The following RHOU variants were observed in gnomAD, a reference collection of about 807,000 sequenced individuals.
RHOU encodes ras homolog family member U.
In RHOU, 8 loss-of-function variants were observed where a neutral mutation model predicts 12.6. The observed-to-expected ratio is 0.64, with a 90% CI of 0.37 to 1.15. RHOU has a LOEUF of 1.15. Among genes scored for constraint, RHOU ranks in the 50% most tolerant of loss-of-function variants. The pLI is 0.01. For synonymous variants in RHOU, 161 were observed against 147.4 expected, an observed-to-expected ratio of 1.09 and a Z score of -0.67; for missense variants, 258 against 347.0, an observed-to-expected ratio of 0.74 and a Z score of 2.04.
chr1:228,659,180 AC>A, the RHOU span, among the ~76,000 whole-genome samples: 1 of 152,150 alleles, frequency 6.6e-6, no homozygotes, highest in African/African-American at 2.4e-5. Context: ...GGAGTTCCAG[AC>A]TAGCCTGACC....
At chr1:228,727,949 G>A in the RHOU span, among the ~76,000 whole-genome samples, 2 of 152,120 alleles carry the variant, frequency 1.3e-5, no homozygotes, top group Admixed American at 6.5e-5. Context: ...TTTCTGTGAT[G>A]TGTGTTTGGG....
the RHOU span, among the ~76,000 whole-genome samples, chr1:228,696,676 T>C: frequency 6.6e-6 from 1 of 152,086 alleles, no homozygotes; most frequent in Non-Finnish European, 1.5e-5. Flanking sequence ...GCCTCCCTAG[T>C]AGCTGGGACT....
In RHOU at chr1:228,743,833, A is replaced by G. The variant is rs1375899644; in HGVS notation, c.*93A>G. ...CAACTCCTTTTACTGCGTAGAACCTATATCGAGAGTGTGTGTATATGTATT... is the reference window on the plus strand; with the variant it reads ...CAACTCCTTTTACTGCGTAGAACCTGTATCGAGAGTGTGTGTATATGTATT... On this transcript the variant is annotated 3_prime_UTR_variant, in exon 3 of 3. Coordinates refer to ENST00000366691, the MANE Select transcript of RHOU (RefSeq NM_021205.6). The surrounding 1 kb of genome is among the most constrained non-coding windows in gnomAD (Gnocchi z 5.1). 1.9e-6 allele frequency: 2 copies of G among 1,052,162 alleles called. No homozygotes were observed. Among genetic ancestry groups the G allele is most frequent in the Middle Eastern group, 2.1e-4 (1 of 4,746 alleles). The allele number at this position is 1,052,162 out of a possible 1,614,324, so 65.2% of individuals were successfully genotyped here.
chr1:228,723,629 A>G, the RHOU span, among the ~76,000 whole-genome samples: 1 of 152,242 alleles, frequency 6.6e-6, no homozygotes, highest in East Asian at 1.9e-4. Flanking sequence ...GTCAGGCTCT[A>G]AGAGCTAAGA....
the RHOU span, among the ~76,000 whole-genome samples, chr1:228,708,580 A>T: frequency 6.6e-6 from 1 of 152,044 alleles, no homozygotes; most frequent in Admixed American, 6.6e-5. Context: ...TAAAGGAGAA[A>T]TAAAATACTT....
the RHOU span, among the ~76,000 whole-genome samples, chr1:228,715,120 C>A: frequency 2.6e-5 from 4 of 151,504 alleles, no homozygotes; most frequent in Non-Finnish European, 5.9e-5. Flanking sequence ...ACACTAATTT[C>A]TTTTAGCTTC....
the RHOU span, among the ~76,000 whole-genome samples, chr1:228,703,527 G>GAAAA: frequency 6.8e-6 from 1 of 146,796 alleles, no homozygotes; most frequent in African/African-American, 2.5e-5. Flanking sequence ...CTCCATCTCT[G>GAAAA]AAAAAAAAAA....
intron 2 of RHOU, among the ~76,000 whole-genome samples, chr1:228,739,727 C>T (rs1328848385): frequency 2.0e-5 from 3 of 152,232 alleles, no homozygotes; most frequent in Non-Finnish European, 4.4e-5. Flanking sequence ...GTGCACCTAC[C>T]TGCCCCAGGA....
the RHOU span, among the ~76,000 whole-genome samples, chr1:228,685,083 T>A: frequency 6.6e-6 from 1 of 152,156 alleles, no homozygotes; most frequent in African/African-American, 2.4e-5. Flanking sequence ...TAGGGTAACT[T>A]CCTGACATTG....
the RHOU span, among the ~76,000 whole-genome samples, chr1:228,707,118 A>C: frequency 2.3e-5 from 2 of 88,350 alleles, no homozygotes; most frequent in Non-Finnish European, 3.7e-5. Context: ...ATATATATAT[A>C]TATATATACA....
At chr1:228,733,730 C>T (rs1009621829), upstream of RHOU, among the ~76,000 whole-genome samples, 3 of 152,176 alleles carry the variant, frequency 2.0e-5, no homozygotes, top group African/African-American at 7.2e-5. Context: ...GTTAAGGGCA[C>T]CAATGTGACT....
At chr1:228,690,452 A>G in the RHOU span, among the ~76,000 whole-genome samples, 11 of 151,322 alleles carry the variant, frequency 7.3e-5, no homozygotes, top group Non-Finnish European at 1.6e-4. Flanking sequence ...CAGCCTCCTG[A>G]GTAGCTGGGA....
chr1:228,721,272 A>G, the RHOU span, among the ~76,000 whole-genome samples: 7 of 152,328 alleles, frequency 4.6e-5, no homozygotes, highest in Admixed American at 2.6e-4. Context: ...ACCGCACTCC[A>G]GCCTGGGCAA....
At chr1:228,652,685 T>C in the RHOU span, 3 of 152,182 alleles carry the variant, frequency 2.0e-5, 1 homozygote, top group South Asian at 6.2e-4. Flanking sequence ...TAACTTCTAA[T>C]GAAGAAACTG....
the RHOU span, among the ~76,000 whole-genome samples, chr1:228,680,318 G>C: frequency 6.6e-6 from 1 of 152,134 alleles, no homozygotes; most frequent in African/African-American, 2.4e-5. Context: ...TCCAGTGGGG[G>C]CCTGCACAGA....
At position 228,745,908 on chromosome 1, in the gene RHOU, T is replaced by C. The variant is rs536712429; in HGVS notation, c.*2168T>C. The C allele has an allele frequency of 6.6e-6, 1 of 152,394 alleles. No homozygotes were observed. The highest frequency in any genetic ancestry group is 2.1e-4 in the South Asian group (1 of 4,832). The allele number at this position is 152,394 out of a possible 1,614,324, so 9.4% of individuals were successfully genotyped here. On this transcript the variant is annotated 3_prime_UTR_variant, in exon 3 of 3. Coordinates refer to ENST00000366691, the MANE Select transcript of RHOU (RefSeq NM_021205.6). ...AACACAAAACTTGAAAGAAGTTTTA[T>C]GCGTGTGACAGTGTATGGGGCTGCA...
At chr1:228,725,615 A>T in the RHOU span, among the ~76,000 whole-genome samples, 1 of 152,238 alleles carries the variant, frequency 6.6e-6, no homozygotes, top group Non-Finnish European at 1.5e-5. Flanking sequence ...GCATCTTCAG[A>T]TCTAGACAGG....
At chr1:228,722,641 T>G in the RHOU span, among the ~76,000 whole-genome samples, 1 of 151,900 alleles carries the variant, frequency 6.6e-6, no homozygotes, top group Admixed American at 6.6e-5. Flanking sequence ...TTTTTTTTTT[T>G]GAGATGGAGT....
chr1:228,658,808 G>T, the RHOU span, among the ~76,000 whole-genome samples: 2 of 152,068 alleles, frequency 1.3e-5, no homozygotes, highest in African/African-American at 4.8e-5. Context: ...AAAAAGTAAG[G>T]CCTCTGTATC....
Sources: gnomAD v4.1 joint callset for allele counts (sites outside exome capture counted in the v4.1 genomes callset) on GRCh38, gnomAD v4.1.1 for gene constraint, Gnocchi (gnomAD v3.1) non-coding constraint, MANE v1.5 for transcripts, NCBI Gene and HGNC (gene_info 2026-07-23, HGNC 2026-07-21) for gene names.